PRH1: variants seen among roughly 807,000 people sequenced by gnomAD.
PRH1 encodes salivary acidic proline-rich phosphoprotein 1/2.
PRH1 carries 7 observed loss-of-function variants against 7.9 expected under a neutral mutation model. That is an observed-to-expected ratio of 0.89 (90% CI 0.50 to 1.67). The LOEUF (loss-of-function observed/expected upper bound fraction) is 1.67, where lower values mean the gene tolerates loss of function less well. PRH1 is among the 40% of genes most tolerant of loss of function. The pLI, the probability that PRH1 is intolerant of heterozygous loss-of-function variation, is 0.00. For synonymous variants in PRH1, 45 were observed against 80.8 expected (o/e 0.56, Z 2.38); for missense variants, 109 against 223.6 (o/e 0.49, Z 3.27).
chr12:10,896,367 T>C (rs73054354), intron 2 of PRH1, among the ~76,000 whole-genome samples: 16,122 of 152,236 alleles, frequency 0.11, 1,070 homozygotes, highest in Non-Finnish European at 0.15. Context: ...GCATATTTCT[T>C]CATTATCAAC....
At chr12:11,048,251 G>A (rs954971728), upstream of PRH1, 6 of 154,492 alleles carry the variant, frequency 3.9e-5, no homozygotes, top group East Asian at 1.9e-4. Flanking sequence ...AAGGAAAAAC[G>A]AATGGAAATA....
intron 1 of PRH1, among the ~76,000 whole-genome samples, chr12:11,062,460 T>C (rs1009083273): frequency 2.0e-5 from 3 of 152,094 alleles, no homozygotes; most frequent in East Asian, 1.9e-4. Flanking sequence ...GAAATCACCA[T>C]GGCATGCTAA....
intron 2 of PRH1, among the ~76,000 whole-genome samples, chr12:10,892,293 G>A (rs1238802944): frequency 6.6e-6 from 1 of 152,198 alleles, no homozygotes; most frequent in Non-Finnish European, 1.5e-5. Flanking sequence ...TTACACAGTT[G>A]CCAAAGATTG....
At chr12:11,142,511 A>C (rs1946728735) in intron 1 of PRH1, among the ~76,000 whole-genome samples, 1 of 152,208 alleles carries the variant, frequency 6.6e-6, no homozygotes, top group Non-Finnish European at 1.5e-5. Flanking sequence ...GAACAATGAA[A>C]CACAACTGAG....
upstream of PRH1, among the ~76,000 whole-genome samples, chr12:10,885,759 G>C (rs1949482599): frequency 6.6e-6 from 1 of 152,162 alleles, no homozygotes; most frequent in Non-Finnish European, 1.5e-5. Flanking sequence ...TTCACTTTTT[G>C]TGCATGGTTA....
intron 1 of PRH1, among the ~76,000 whole-genome samples, chr12:11,153,583 C>T (rs749197884): frequency 1.7e-4 from 26 of 152,154 alleles, no homozygotes; most frequent in Non-Finnish European, 3.1e-4. Flanking sequence ...GAAGGTTAGT[C>T]TTCCTTCCCT....
intron 1 of PRH1, among the ~76,000 whole-genome samples, chr12:11,139,919 G>A (rs1398911334): frequency 6.6e-6 from 1 of 151,912 alleles, no homozygotes; most frequent in East Asian, 1.9e-4. Context: ...TAACGTAAGA[G>A]TAATATTTAC....
At chr12:11,162,365 G>A (rs1209911772) in intron 1 of PRH1, among the ~76,000 whole-genome samples, 1 of 152,090 alleles carries the variant, frequency 6.6e-6, no homozygotes, top group Non-Finnish European at 1.5e-5. Flanking sequence ...CAGTCAGCCT[G>A]CCCCTAATCA....
chr12:11,057,164 G>A (rs1281762086), intron 1 of PRH1, among the ~76,000 whole-genome samples: 1 of 152,022 alleles, frequency 6.6e-6, no homozygotes, highest in Non-Finnish European at 1.5e-5. Flanking sequence ...GCAGCACCAC[G>A]CCAGCTAATT....
At chr12:11,081,858 A>T (rs1420432174) in intron 1 of PRH1, among the ~76,000 whole-genome samples, 1,193 of 80,674 alleles carry the variant, frequency 0.015, 27 homozygotes, top group Middle Eastern at 0.02. Flanking sequence ...TAACATCCTT[A>T]CTTTATAAAT....
intron 1 of PRH1, among the ~76,000 whole-genome samples, chr12:11,013,779 G>T (rs1482332746): frequency 6.6e-6 from 1 of 152,070 alleles, no homozygotes; most frequent in East Asian, 1.9e-4. Context: ...GCCTAAACTG[G>T]AGTGCAGTGG....
chr12:10,954,975 A>G (rs1322892210), intron 2 of PRH1, among the ~76,000 whole-genome samples: 1 of 152,188 alleles, frequency 6.6e-6, no homozygotes, highest in Non-Finnish European at 1.5e-5. Flanking sequence ...AAATCACACA[A>G]TAATAGCAAG....
chr12:11,159,152 A>C (rs1012995759), intron 1 of PRH1: 3 of 152,086 alleles, frequency 2.0e-5, no homozygotes, highest in African/African-American at 7.2e-5. Context: ...AAAGGGAATA[A>C]CGTATGTCAA....
chr12:11,166,654 C>T (rs765546240), intron 1 of PRH1, among the ~76,000 whole-genome samples: 1 of 152,348 alleles, frequency 6.6e-6, no homozygotes, highest in Non-Finnish European at 1.5e-5. Flanking sequence ...TCTCCAGTTT[C>T]TATTACTCCA....
At chr12:10,883,017 G>A (rs1681471345) in intron 2 of PRH1, 44 bp downstream of exon 2, 10 of 1,592,632 alleles carry the variant, frequency 6.3e-6, no homozygotes, top group Non-Finnish European at 7.8e-6. Context: ...AATTTTTCAG[G>A]GAAAAATGGA....
At chr12:11,168,236 GAAA>G (rs1947651881) in intron 1 of PRH1, among the ~76,000 whole-genome samples, 1 of 6,458 alleles carries the variant, frequency 1.5e-4, no homozygotes, top group African/African-American at 3.1e-4. Context: ...AAGAAAGAAA[GAAA>G]GAAAGAAAGA....
In PRH1 at chr12:11,078,063, C is replaced by A. The variant is rs75341267; in HGVS notation, n.124-30875G>T. ...TTGCATACCAATGTAATAATATGAC[C>A]CAGAGTAAACCAATTCTGGAGACCA... On this transcript the variant is annotated intron_variant and non_coding_transcript_variant, in intron 1 of 4. Coordinates refer to the PRH1 transcript ENST00000541977. The A allele has an allele frequency of 9.5e-5, 53 of 559,134 alleles. 4 individuals are homozygous for A. Among genetic ancestry groups the A allele is most frequent in the Non-Finnish European group, 1.5e-4 (45 of 300,108 alleles). The allele number at this position is 559,134 out of a possible 1,614,324, so 34.6% of individuals were successfully genotyped here.
upstream of PRH1, among the ~76,000 whole-genome samples, chr12:10,885,880 A>G (rs1054132779): frequency 2.0e-5 from 3 of 152,254 alleles, no homozygotes; most frequent in Non-Finnish European, 4.4e-5. Context: ...TGTGCTGGGC[A>G]TATGAGGGTC....
chr12:11,116,822 C>A (rs571383784), downstream of PRH1, among the ~76,000 whole-genome samples: 176 of 152,098 alleles, frequency 1.2e-3, no homozygotes, highest in African/African-American at 3.9e-3. Flanking sequence ...AGGTCAAGAA[C>A]CATATAAACG....
Sources: allele counts gnomAD v4.1 joint callset (sites outside exome capture counted in the v4.1 genomes callset), GRCh38; gene constraint gnomAD v4.1.1; transcripts MANE v1.5; gene names NCBI Gene and HGNC (gene_info 2026-07-23, HGNC 2026-07-21).